The following GLG1 variants were observed in gnomAD, a reference collection of about 807,000 sequenced individuals.
GLG1 encodes Golgi apparatus protein 1.
GLG1 carries 38 observed loss-of-function variants against 160.5 expected under a neutral mutation model. That is an observed-to-expected ratio of 0.24 (90% CI 0.18 to 0.31). The LOEUF (loss-of-function observed/expected upper bound fraction) is 0.31, where lower values mean the gene tolerates loss of function less well. GLG1 is among the 10% of genes least tolerant of loss of function. The probability of loss-of-function intolerance (pLI) is 1.00; values close to 1 mark genes in which losing one functional copy is unlikely to be tolerated. For synonymous variants in GLG1, 644 were observed against 543.4 expected (o/e 1.19, Z -2.57); for missense variants, 1,373 against 1,505.2 (o/e 0.91, Z 1.45).
chr16:74,601,977 ACACTAG>A lies in GLG1; in HGVS notation c.438+4674_438+4679del, dbSNP rs553783804. ...AGCCTATTTCTCTGCTAAAAGAATA[ACACTAG>A]CACTAGCACTAGCACCTCATTATCA... On this transcript the variant is annotated intron_variant, in intron 1 of 25. Transcript: ENST00000422840. Among the ~76,000 whole-genome samples the A allele has an allele frequency of 2.2e-3, 340 of 152,252 alleles. 1 individual carries two copies. Among genetic ancestry groups the A allele is most frequent in the African/African-American group, 6.8e-3 (284 of 41,556 alleles).
chr16:74,561,500 T>C (rs1382746473), intron 1 of GLG1, among the ~76,000 whole-genome samples: 3 of 152,148 alleles, frequency 2.0e-5, no homozygotes, highest in South Asian at 2.1e-4. Context: ...TGGGTAAGAA[T>C]TCCCAGAACT....
At chr16:74,478,742 T>C (rs1430257798) in intron 11 of GLG1, among the ~76,000 whole-genome samples, 1 of 150,916 alleles carries the variant, frequency 6.6e-6, no homozygotes, top group Admixed American at 6.6e-5. Context: ...AGAAACCCCA[T>C]CTCTACTAAA....
chr16:74,567,598 G>A (rs1363269646), intron 1 of GLG1, among the ~76,000 whole-genome samples: 1 of 110,536 alleles, frequency 9.0e-6, no homozygotes, highest in Non-Finnish European at 1.7e-5. Flanking sequence ...GTCTCGCTCT[G>A]TCGCCCAGGT....
intron 4 of GLG1, among the ~76,000 whole-genome samples, chr16:74,502,945 G>A (rs993936494): frequency 6.6e-6 from 1 of 151,410 alleles, no homozygotes; most frequent in Non-Finnish European, 1.5e-5. Flanking sequence ...GGTGGCTCAC[G>A]TCTGTAATCC....
At chr16:74,603,756 T>C (rs1429988737) in intron 1 of GLG1, among the ~76,000 whole-genome samples, 1 of 152,176 alleles carries the variant, frequency 6.6e-6, no homozygotes, top group Non-Finnish European at 1.5e-5. Flanking sequence ...TATCTTCTCT[T>C]TCTTTGGTAT....
intron 1 of GLG1, among the ~76,000 whole-genome samples, chr16:74,584,265 A>G (rs1043802928): frequency 6.6e-6 from 1 of 152,200 alleles, no homozygotes; most frequent in African/African-American, 2.4e-5. Flanking sequence ...GACCCTTCCC[A>G]CTAGCCATGC....
intron 18 of GLG1, among the ~76,000 whole-genome samples, 188 bp from the exon 19 acceptor site, chr16:74,466,001 C>G (rs1157674029): frequency 1.3e-5 from 2 of 152,164 alleles, no homozygotes; most frequent in Admixed American, 1.3e-4. Context: ...GCAAACCCAA[C>G]TAGACAAAAA....
intron 2 of GLG1, among the ~76,000 whole-genome samples, chr16:74,516,848 C>G (rs1174375879): frequency 1.3e-5 from 2 of 152,092 alleles, no homozygotes; most frequent in East Asian, 1.9e-4. Flanking sequence ...CAAATAGACA[C>G]AATAAAAAAT....
At position 74,592,643 on chromosome 16, in the gene GLG1, T is replaced by G. The variant is rs140243695; in HGVS notation, c.438+14014A>C. On this transcript the variant is annotated intron_variant, in intron 1 of 25. Transcript: ENST00000422840. ...AAAACTGGAGGTCTGAGAGATTAATTTGCCCAACATCATAATAACTGGTAA... is the reference window on the plus strand; with the variant it reads ...AAAACTGGAGGTCTGAGAGATTAATGTGCCCAACATCATAATAACTGGTAA... 4.6e-4 allele frequency among the ~76,000 whole-genome samples: 70 copies of G among 152,284 alleles called. No individual in the cohort carries two copies. The East Asian group carries it at 0.012, about 26-fold the overall frequency.
intron 1 of GLG1, among the ~76,000 whole-genome samples, chr16:74,555,857 A>G (rs2018337308): frequency 6.7e-6 from 1 of 148,902 alleles, no homozygotes; most frequent in African/African-American, 2.5e-5. Flanking sequence ...CTTTTGAGAC[A>G]GGGTCTTGGT....
At chr16:74,601,183 A>G (rs1011726267) in intron 1 of GLG1, among the ~76,000 whole-genome samples, 3 of 152,148 alleles carry the variant, frequency 2.0e-5, no homozygotes, top group African/African-American at 2.4e-5. Flanking sequence ...ATATGGAATC[A>G]GGAACTGGTA....
chr16:74,465,219 C>A (rs951005915), intron 19 of GLG1, among the ~76,000 whole-genome samples: 1 of 152,180 alleles, frequency 6.6e-6, no homozygotes, highest in Non-Finnish European at 1.5e-5. Flanking sequence ...GCAGGGAATA[C>A]CTGCTGGAGG....
rs77345468 is a variant in GLG1 at position 74,451,910 on chromosome 16, C to T, written c.*1257G>A. 12,822 of 650,522 alleles carry T rather than the reference C, an allele frequency of 0.02. 162 individuals carry two copies. The highest frequency in any genetic ancestry group is 0.027 in the Non-Finnish European group (9,602 of 359,284). The allele number at this position is 650,522 out of a possible 1,614,324, so 40.3% of individuals were successfully genotyped here. On this transcript the variant is annotated 3_prime_UTR_variant, in exon 26 of 26. Coordinates refer to ENST00000422840, the MANE Select transcript of GLG1 (RefSeq NM_001145667.2). Reference sequence around the variant, plus strand: ...AAATACAACATTTAGCCAATGCCTACTAGAGTGGGTACACGCAGCAAATGG... The same window carrying T: ...AAATACAACATTTAGCCAATGCCTATTAGAGTGGGTACACGCAGCAAATGG...
chr16:74,597,209 G>T (rs891019925), intron 1 of GLG1, among the ~76,000 whole-genome samples: 20 of 151,774 alleles, frequency 1.3e-4, no homozygotes, highest in Admixed American at 1.3e-3. Context: ...GAGGCGGGAG[G>T]ATCACCAGGT....
intron 23 of GLG1, among the ~76,000 whole-genome samples, chr16:74,459,414 G>A (rs1332775204): frequency 6.6e-6 from 1 of 152,124 alleles, no homozygotes; most frequent in Non-Finnish European, 1.5e-5. Context: ...GGAGGCAGAG[G>A]TTGCAGTGAG....
Position 74,566,629 on chromosome 16 carries a change from C to T in GLG1, c.439-34476G>A, listed in dbSNP as rs535482598. Reference sequence around the variant, plus strand: ...ACCTCTGAGCAGGTCTCTTTTTTTCCCCTCCATGCCTATTCTGTTGTAATT... The same window carrying T: ...ACCTCTGAGCAGGTCTCTTTTTTTCTCCTCCATGCCTATTCTGTTGTAATT... On this transcript the variant is annotated intron_variant, in intron 1 of 25. Transcript: ENST00000422840. Among the ~76,000 whole-genome samples, 64 of 152,048 alleles carry T rather than the reference C, an allele frequency of 4.2e-4. No individual in the cohort carries two copies. In the South Asian group the frequency reaches 0.013, roughly 31 times the overall value.
chr16:74,575,244 T>A (rs1240199691), intron 1 of GLG1, among the ~76,000 whole-genome samples: 1 of 151,822 alleles, frequency 6.6e-6, no homozygotes, highest in African/African-American at 2.4e-5. Context: ...AGACTCCATC[T>A]GAAAAAAAGA....
chr16:74,504,840 C>T lies in GLG1; in HGVS notation c.559-1094G>A, dbSNP rs557731110. Among the ~76,000 whole-genome samples, 7 of 152,202 alleles carry T rather than the reference C, an allele frequency of 4.6e-5. No individual in the cohort carries two copies. In the East Asian group the frequency reaches 1.4e-3, roughly 29 times the overall value. ...TGGTGGTGTTCCTGCAAAGTGCATTCCAAACCACAAAATGCTAATAAAGCA... is the reference window on the plus strand; with the variant it reads ...TGGTGGTGTTCCTGCAAAGTGCATTTCAAACCACAAAATGCTAATAAAGCA... On this transcript the variant is annotated intron_variant, in intron 3 of 25. Coordinates refer to ENST00000422840, the MANE Select transcript of GLG1 (RefSeq NM_001145667.2).
At chr16:74,598,741 G>A (rs760437679) in intron 1 of GLG1, among the ~76,000 whole-genome samples, 2 of 151,210 alleles carry the variant, frequency 1.3e-5, no homozygotes, top group Admixed American at 1.3e-4. Context: ...AAAATTAGCC[G>A]GGTGTGCTGG....
Sources: gnomAD v4.1 joint callset for allele counts (sites outside exome capture counted in the v4.1 genomes callset) on GRCh38, gnomAD v4.1.1 for gene constraint, MANE v1.5 for transcripts, NCBI Gene and HGNC (gene_info 2026-07-23, HGNC 2026-07-21) for gene names.